ARHGEF39: variants seen among roughly 807,000 people sequenced by gnomAD.
The protein encoded by ARHGEF39 is Rho guanine nucleotide exchange factor (GEF) 39.
Under a neutral mutation model 47.5 loss-of-function variants are expected in ARHGEF39, and 45 were observed. That is an observed-to-expected ratio of 0.95 (90% CI 0.75 to 1.22). The LOEUF (loss-of-function observed/expected upper bound fraction) is 1.22. Ranked by LOEUF, ARHGEF39 falls within the 50% of genes most tolerant of loss-of-function variation. The pLI is 0.00. For missense variants in ARHGEF39, 411 were observed against 425.3 expected (o/e 0.97, Z 0.30); for synonymous variants, 164 against 167.8 (o/e 0.98, Z 0.17).
In ARHGEF39 at chr9:35,661,656, T is replaced by G; in HGVS notation, c.*331A>C. On this transcript the variant is annotated 3_prime_UTR_variant, in exon 9 of 9. Transcript: ENST00000378387. ...GTTGGACTTGGTTTCCTGATTCTTC[T>G]TTTTTAATAAAATTTCTTAATTATT... 2.4e-6 allele frequency: 1 copy of G among 422,374 alleles called. No homozygotes were observed. The highest frequency in any genetic ancestry group is 4.2e-6 in the Non-Finnish European group (1 of 239,632). 26.2% of individuals were successfully genotyped at this position (422,374 alleles called of 1,614,324 possible).
In ARHGEF39 at chr9:35,661,687, T is replaced by G; in HGVS notation, c.*300A>C. On this transcript the variant is annotated 3_prime_UTR_variant, in exon 9 of 9. Coordinates refer to ENST00000378387, the MANE Select transcript of ARHGEF39 (RefSeq NM_032818.3). ...AATAAAATTTCTTAATTATTTTTTC[T>G]TAAATAGAGACAGGGTCTCACTCAC... 4.8e-6 allele frequency: 2 copies of G among 420,466 alleles called. No individual in the cohort carries two copies. The highest frequency in any genetic ancestry group is 8.4e-6 in the Non-Finnish European group (2 of 238,486). The allele number at this position is 420,466 out of a possible 1,614,324, so 26.0% of individuals were successfully genotyped here. A position where few individuals can be genotyped will look rare whatever the true frequency, so the allele number is the denominator to read the frequency against.
Position 35,665,033 on chromosome 9 carries a change from G to A in ARHGEF39, c.137C>T (p.Thr46Met). Residue 46 changes from threonine to methionine, a missense_variant and splice_region_variant, in exon 1 of 9, where the codon ACG becomes ATG. Thr to Met is a moderately conservative substitution (Grantham distance 81). Coordinates refer to ENST00000378387, the MANE Select transcript of ARHGEF39 (RefSeq NM_032818.3). Reference sequence around the variant, plus strand: ...GGGAGCGTGTGCCAGGTCCCCCACCGTGGCCACCAGCCCCAGCTGTTCTTG... The same window carrying A: ...GGGAGCGTGTGCCAGGTCCCCCACCATGGCCACCAGCCCCAGCTGTTCTTG... ...RYQEQLGLVATYFLGILKAKG... is the reference protein window; with the variant it reads ...RYQEQLGLVAMYFLGILKAKG... 1 of 1,555,974 alleles carries A rather than the reference G, an allele frequency of 6.4e-7. No individual in the cohort carries two copies. Among genetic ancestry groups the A allele is most frequent in the Non-Finnish European group, 8.7e-7 (1 of 1,151,384 alleles).
At chr9:35,664,973 G>A (rs1485189118) in intron 1 of ARHGEF39, 59 bp downstream of exon 1, 1 of 1,509,468 alleles carries the variant, frequency 6.6e-7, no homozygotes, top group Non-Finnish European at 8.9e-7. Flanking sequence ...ACCTCGCAGA[G>A]ACCCTCCCAC....
Position 35,661,431 on chromosome 9 carries a change from G to A in ARHGEF39, c.*556C>T, listed in dbSNP as rs886456463. On this transcript the variant is annotated 3_prime_UTR_variant, in exon 9 of 9. Transcript: ENST00000378387. The stretch of plus-strand genomic sequence containing the variant: ...CTCATAGCAAAACTGAGACAGAAGG[G>A]TCTTTCCCAAAAAAAAGAAAAAAAA... 27 of 452,034 alleles carry A rather than the reference G, an allele frequency of 6.0e-5. No homozygotes were observed. Among genetic ancestry groups the A allele is most frequent in the Non-Finnish European group, 2.7e-5 (7 of 257,670 alleles). The allele number at this position is 452,034 out of a possible 1,614,324, so 28.0% of individuals were successfully genotyped here. A position where few individuals can be genotyped will look rare whatever the true frequency, so the allele number is the denominator to read the frequency against.
chr9:35,660,643 G>A lies in ARHGEF39; in HGVS notation c.*1344C>T, dbSNP rs772091722. 2.6e-5 allele frequency: 42 copies of A among 1,614,038 alleles called. No homozygotes were observed. Among genetic ancestry groups the A allele is most frequent in the Non-Finnish European group, 3.2e-5 (38 of 1,180,024 alleles). On this transcript the variant is annotated 3_prime_UTR_variant, in exon 9 of 9. Transcript: ENST00000378387. ...GATGGCCCAGCTGGACCCCCTTTTT[G>A]AGCGGTGAGGAGAGCAATGATTCTG...
Position 35,665,146 on chromosome 9 carries a change from C to G in ARHGEF39, c.24G>C (p.Ser8=). 1 of 1,539,550 alleles carries G rather than the reference C, an allele frequency of 6.5e-7. No individual in the cohort carries two copies. Among genetic ancestry groups the G allele is most frequent in the Non-Finnish European group, 8.8e-7 (1 of 1,141,220 alleles). The change falls in exon 1 of 9, where the codon TCG becomes TCC. Residue 8 remains serine (S), a synonymous_variant. Transcript: ENST00000378387. MELSCPG[S]RCPVQEQRAR... is the part of the protein sequence containing the mutation. ...CACGCTGCTCTTGCACCGGGCACCG[C>G]GAACCGGGGCAGGAGAGCTCCATGC...
Position 35,661,013 on chromosome 9 carries a change from G to A in ARHGEF39, c.*974C>T. 1 of 1,614,094 alleles carries A rather than the reference G, an allele frequency of 6.2e-7. No individual in the cohort carries two copies. Among genetic ancestry groups the A allele is most frequent in the Non-Finnish European group, 8.5e-7 (1 of 1,179,978 alleles). ...AGGAGATTGGTGACAGTCAGGCCTG[G>A]GAGGAGCCCACAAACTGGAGCACAG... On this transcript the variant is annotated 3_prime_UTR_variant, in exon 9 of 9. Transcript: ENST00000378387.
rs199757844 is a variant in ARHGEF39, at chr9:35,662,685, G to A, written c.730C>T (p.Arg244Trp). The change falls in exon 7 of 9, where the codon CGG becomes TGG. Residue 244 changes from arginine (R) to tryptophan (W), a missense_variant. Transcript: ENST00000378387. ...LLVVPPHGEP[R>W]PRMFFLFTDV... Reference sequence around the variant, plus strand: ...GTGAAGAGGAAGAACATGCGGGGCCGAGGCTCCCCATGGGGAGGCACCACT... The same window carrying A: ...GTGAAGAGGAAGAACATGCGGGGCCAAGGCTCCCCATGGGGAGGCACCACT... 2.5e-5 allele frequency: 39 copies of A among 1,590,582 alleles called. No homozygotes were observed. The highest frequency in any genetic ancestry group is 4.6e-5 in the East Asian group (2 of 43,232).
At chr9:35,663,925 G>A (rs567361036) in intron 4 of ARHGEF39, 83 bp downstream of exon 4, 4 of 1,404,244 alleles carry the variant, frequency 2.8e-6, no homozygotes, top group African/African-American at 2.9e-5. Context: ...GTTTGGGATC[G>A]ACCCCAAGGC....
chr9:35,660,867 TCGGGAGGCG>T lies in ARHGEF39; in HGVS notation c.*1111_*1119del. On this transcript the variant is annotated 3_prime_UTR_variant, in exon 9 of 9. Transcript: ENST00000378387. The stretch of plus-strand genomic sequence containing the variant: ...GGAGGCTTCAGAACCAGGTGAAGGC[TCGGGAGGCG>T]AGTCTGCTGGAGGTGGAGACAAAGT... 6.2e-7 allele frequency: 1 copy of T among 1,614,116 alleles called. No individual in the cohort carries two copies. Among genetic ancestry groups the T allele is most frequent in the Middle Eastern group, 1.6e-4 (1 of 6,062 alleles).
Position 35,661,929 on chromosome 9 carries a change from A to ACT in ARHGEF39, c.*56_*57dup. 1 of 1,571,282 alleles carries ACT rather than the reference A, an allele frequency of 6.4e-7. No individual in the cohort carries two copies. Among genetic ancestry groups the ACT allele is most frequent in the Non-Finnish European group, 8.7e-7 (1 of 1,152,458 alleles). On this transcript the variant is annotated 3_prime_UTR_variant, in exon 9 of 9. Coordinates refer to ENST00000378387, the MANE Select transcript of ARHGEF39 (RefSeq NM_032818.3). The stretch of plus-strand genomic sequence containing the variant: ...TGTTCAGTACTGAAGATTCCTTTGT[A>ACT]CTCTTGGCTGTGACCTATCCCTGAG...
Position 35,665,121 on chromosome 9 carries a change from C to T in ARHGEF39, c.49G>A (p.Ala17Thr). 6.5e-7 allele frequency: 1 copy of T among 1,547,916 alleles called. No homozygotes were observed. Reference sequence around the variant, plus strand: ...CAGGCGCGTTTCCGCTCCCAGCGGGCACGCTGCTCTTGCACCGGGCACCGC... The same window carrying T: ...CAGGCGCGTTTCCGCTCCCAGCGGGTACGCTGCTCTTGCACCGGGCACCGC... Reference protein sequence around the residue: ...GSRCPVQEQRARWERKRACTA... With the variant: ...GSRCPVQEQRTRWERKRACTA... The change falls in exon 1 of 9, where the codon GCC becomes ACC. Residue 17 changes from alanine to threonine, a missense_variant. Coordinates refer to ENST00000378387, the MANE Select transcript of ARHGEF39 (RefSeq NM_032818.3).
In ARHGEF39 at chr9:35,662,723, T is replaced by C. The variant is rs1563915817; in HGVS notation, c.692A>G (p.Gln231Arg). 1 of 1,564,272 alleles carries C rather than the reference T, an allele frequency of 6.4e-7. No homozygotes were observed. The highest frequency in any genetic ancestry group is 8.7e-7 in the Non-Finnish European group (1 of 1,154,390). Reference sequence around the variant, plus strand: ...GGGAGGCACCACTAACAGCCAGCCCTGGCGTAGGAACCAGCGCCCTGGGGG... The same window carrying C: ...GGGAGGCACCACTAACAGCCAGCCCCGGCGTAGGAACCAGCGCCCTGGGGG... ...GLTSGRWFLR[Q>R]GWLLVVPPHG... Residue 231 changes from glutamine (Q) to arginine (R), a missense_variant, in exon 7 of 9, where the codon CAG becomes CGG. Coordinates refer to ENST00000378387, the MANE Select transcript of ARHGEF39 (RefSeq NM_032818.3).
Position 35,664,358 on chromosome 9 carries a change from C to G in ARHGEF39, c.354+14G>C. On this transcript the variant is annotated intron_variant, in intron 3 of 8. Coordinates refer to ENST00000378387, the MANE Select transcript of ARHGEF39 (RefSeq NM_032818.3). Reference sequence around the variant, plus strand: ...AAAGGTAAGGGGCAAGATTTGAGGTCATCTCCAGGTTACCTGCAGGGTGGT... The same window carrying G: ...AAAGGTAAGGGGCAAGATTTGAGGTGATCTCCAGGTTACCTGCAGGGTGGT... The G allele has an allele frequency of 6.3e-7, 1 of 1,591,876 alleles. No individual in the cohort carries two copies. Among genetic ancestry groups the G allele is most frequent in the African/African-American group, 1.4e-5 (1 of 73,934 alleles).
rs371236640 is a variant in ARHGEF39 at position 35,660,152 on chromosome 9, CT to C, written c.*1834del. ...GAGCCACAGCACTCAGCCACCAGAG[CT>C]TTTTTCAAACCGGAGGGAGTTGCTC... On this transcript the variant is annotated 3_prime_UTR_variant, in exon 9 of 9. Transcript: ENST00000378387. The C allele has an allele frequency of 9.2e-5, 38 of 412,214 alleles. No homozygotes were observed. Among genetic ancestry groups the C allele is most frequent in the African/African-American group, 7.2e-4 (35 of 48,902 alleles). 25.5% of individuals were successfully genotyped at this position (412,214 alleles called of 1,614,324 possible).
chr9:35,660,316 ACT>A lies in ARHGEF39; in HGVS notation c.*1669_*1670del, dbSNP rs951079458. ...AATCACTGTCTCCATCTCAAATTGC[ACT>A]CTCTCTTGGCTGGCTCTGGAGACTG... On this transcript the variant is annotated 3_prime_UTR_variant, in exon 9 of 9. Coordinates refer to ENST00000378387, the MANE Select transcript of ARHGEF39 (RefSeq NM_032818.3). 5.1e-6 allele frequency: 6 copies of A among 1,177,950 alleles called. No homozygotes were observed. Among genetic ancestry groups the A allele is most frequent in the East Asian group, 2.4e-5 (1 of 42,344 alleles). 73.0% of individuals were successfully genotyped at this position (1,177,950 alleles called of 1,614,324 possible).
chr9:35,661,223 GT>G lies in ARHGEF39; in HGVS notation c.*763del. On this transcript the variant is annotated 3_prime_UTR_variant, in exon 9 of 9. Coordinates refer to ENST00000378387, the MANE Select transcript of ARHGEF39 (RefSeq NM_032818.3). Reference sequence around the variant, plus strand: ...CTGTGTGTTTTTTCGATCCTAGTTGGTTGTACACACCCATACTAGGTGCCTA... The same window carrying G: ...CTGTGTGTTTTTTCGATCCTAGTTGGTGTACACACCCATACTAGGTGCCTA... 1 of 1,495,730 alleles carries G rather than the reference GT, an allele frequency of 6.7e-7. No individual in the cohort carries two copies. The highest frequency in any genetic ancestry group is 1.3e-5 in the South Asian group (1 of 79,572). 92.7% of individuals were successfully genotyped at this position (1,495,730 alleles called of 1,614,324 possible).
At position 35,662,271 on chromosome 9, in the gene ARHGEF39, G is replaced by A; in HGVS notation, c.904-4C>T. 6.2e-7 allele frequency: 1 copy of A among 1,612,808 alleles called. No individual in the cohort carries two copies. The highest frequency in any genetic ancestry group is 8.5e-7 in the Non-Finnish European group (1 of 1,178,786). On this transcript the variant is annotated splice_polypyrimidine_tract_variant and splice_region_variant and intron_variant, in intron 7 of 8. Coordinates refer to ENST00000378387, the MANE Select transcript of ARHGEF39 (RefSeq NM_032818.3). ...GCTTCTCATGAGGGAAGGACAGCTA[G>A]AGAGAGACCACCTCTTAGCGCATGG... is the stretch of plus-strand genomic sequence containing the variant.
Position 35,662,256 on chromosome 9 carries a change from A to G in ARHGEF39, c.915T>C (p.Pro305=), listed in dbSNP as rs770426400. 5.6e-6 allele frequency: 9 copies of G among 1,613,836 alleles called. No homozygotes were observed. The Admixed American group carries it at 1.5e-4, about 27-fold the overall frequency. The part of the protein sequence containing the change: ...PCGGLLSLSF[P]HEKLLLMSTD... ...TGGACATAAGCAGTAGCTTCTCATG[A>G]GGGAAGGACAGCTAGAGAGAGACCA... The change falls in exon 8 of 9, where the codon CCT becomes CCC. Residue 305 remains proline, a synonymous_variant. Transcript: ENST00000378387.
Sources: gnomAD v4.1 joint callset for allele counts on GRCh38, gnomAD v4.1.1 for gene constraint, MANE v1.5 for transcripts, NCBI Gene and HGNC (gene_info 2026-07-23, HGNC 2026-07-21) for gene names.